The following KCND2 variants were observed in gnomAD, a reference collection of about 807,000 sequenced individuals.
KCND2 encodes the protein A-type voltage-gated potassium channel KCND2.
A neutral mutation model predicts 54.4 loss-of-function variants in KCND2; 16 were observed. That is an observed-to-expected ratio of 0.29 (90% CI 0.20 to 0.45). KCND2 has a LOEUF of 0.45. KCND2 is among the 20% of genes least tolerant of loss of function. The pLI is 1.00. For missense variants in KCND2, 486 were observed against 824.2 expected, an observed-to-expected ratio of 0.59 and a Z score of 5.02; for synonymous variants, 317 against 310.7, an observed-to-expected ratio of 1.02 and a Z score of -0.21.
intron 1 of KCND2, among the ~76,000 whole-genome samples, chr7:120,381,178 C>A (rs1800911167): frequency 6.6e-6 from 1 of 151,908 alleles, no homozygotes; most frequent in South Asian, 2.1e-4. Context: ...TCGCTTGAAC[C>A]CAGGAGGTGG....
At chr7:120,515,342 T>C (rs1803180816) in intron 1 of KCND2, among the ~76,000 whole-genome samples, 1 of 152,164 alleles carries the variant, frequency 6.6e-6, no homozygotes, top group Non-Finnish European at 1.5e-5. Context: ...TCATGAGTTT[T>C]TATTGCTGTA....
At chr7:120,495,133 T>C (rs377064605) in intron 1 of KCND2, among the ~76,000 whole-genome samples, 3 of 152,184 alleles carry the variant, frequency 2.0e-5, no homozygotes, top group African/African-American at 7.2e-5. Flanking sequence ...GTTTTTTTAA[T>C]ATTTTTTTTC....
At chr7:120,663,041 T>C (rs533807214) in intron 1 of KCND2, among the ~76,000 whole-genome samples, 3 of 152,296 alleles carry the variant, frequency 2.0e-5, no homozygotes, top group South Asian at 4.1e-4. Context: ...CTGACCTCCG[T>C]TGCAACACAA....
intron 1 of KCND2, among the ~76,000 whole-genome samples, chr7:120,393,430 G>A (rs991925699): frequency 3.9e-5 from 6 of 151,986 alleles, no homozygotes; most frequent in Middle Eastern, 6.8e-3. Flanking sequence ...ATAACTTTTT[G>A]GTAAGTGTCA....
intron 1 of KCND2, among the ~76,000 whole-genome samples, chr7:120,336,279 A>G (rs115892258): frequency 1.5e-3 from 224 of 152,226 alleles, no homozygotes; most frequent in African/African-American, 5.0e-3. Context: ...CGCAGTCCCA[A>G]TCTCTTAAAT....
rs561057900 is a variant in KCND2, at chr7:120,391,464, TG to T, written c.1115+115719del. On this transcript the variant is annotated intron_variant, in intron 1 of 5. Coordinates refer to ENST00000331113, the MANE Select transcript of KCND2 (RefSeq NM_012281.3). ...GGAGTGCTGGGTCAAATGGTATTTC[TG>T]GTTCTAGATCCTTGAGAAATTGCCA... 4.4e-3 allele frequency among the ~76,000 whole-genome samples: 674 copies of T among 152,264 alleles called. 6 individuals carry two copies. The highest frequency in any genetic ancestry group is 0.015 in the African/African-American group (632 of 41,568).
At chr7:120,713,200 C>CAAAG (rs1792562879) in intron 1 of KCND2, among the ~76,000 whole-genome samples, 1 of 152,078 alleles carries the variant, frequency 6.6e-6, no homozygotes. Flanking sequence ...AAAGCTCAGC[C>CAAAG]CTTTATAAGA....
chr7:120,383,207 C>T (rs1315027582), intron 1 of KCND2, among the ~76,000 whole-genome samples: 3 of 151,954 alleles, frequency 2.0e-5, no homozygotes, highest in Non-Finnish European at 4.4e-5. Context: ...TAAGTTACTA[C>T]CTTTCCTCTT....
intron 1 of KCND2, among the ~76,000 whole-genome samples, chr7:120,559,113 A>G (rs1681197038): frequency 6.6e-6 from 1 of 152,234 alleles, no homozygotes; most frequent in African/African-American, 2.4e-5. Context: ...AAATGTTAAT[A>G]CATCCCTCAG....
chr7:120,438,822 GTTTC>G (rs1801907790), intron 1 of KCND2, among the ~76,000 whole-genome samples: 1 of 151,964 alleles, frequency 6.6e-6, no homozygotes, highest in Non-Finnish European at 1.5e-5. Context: ...GACCCAGCTT[GTTTC>G]TTTTCATTTT....
chr7:120,357,811 T>G (rs1349148759), intron 1 of KCND2, among the ~76,000 whole-genome samples: 1 of 152,120 alleles, frequency 6.6e-6, no homozygotes, highest in Admixed American at 6.6e-5. Flanking sequence ...GGTGCCTCTG[T>G]CTCCTCTTAT....
At chr7:120,713,857 T>C (rs947350478) in intron 1 of KCND2, among the ~76,000 whole-genome samples, 4 of 152,172 alleles carry the variant, frequency 2.6e-5, no homozygotes, top group Non-Finnish European at 4.4e-5. Context: ...TGTTTTGACA[T>C]ACTAGTCTTG....
At chr7:120,452,392 G>A (rs1049840087) in intron 1 of KCND2, among the ~76,000 whole-genome samples, 2 of 152,176 alleles carry the variant, frequency 1.3e-5, no homozygotes, top group South Asian at 4.1e-4. Flanking sequence ...ACTAGACACA[G>A]CCATTTGGAA....
intron 1 of KCND2, among the ~76,000 whole-genome samples, chr7:120,639,601 C>T (rs1793346609): frequency 6.6e-6 from 1 of 152,220 alleles, no homozygotes; most frequent in Non-Finnish European, 1.5e-5. Flanking sequence ...CAATACTTGT[C>T]CATCATACTG....
chr7:120,670,533 A>G (rs1791978553), intron 1 of KCND2, among the ~76,000 whole-genome samples: 1 of 152,062 alleles, frequency 6.6e-6, no homozygotes, highest in African/African-American at 2.4e-5. Flanking sequence ...CTTCCCCAAG[A>G]GTCTGATTTA....
rs182340655 is a variant in KCND2, at chr7:120,586,885, T to G, written c.1116-146018T>G. On this transcript the variant is annotated intron_variant, in intron 1 of 5. Transcript: ENST00000331113. ...ATAGTGAAATAACACTTTGTTTTCA[T>G]TAAAGGATAAAGCACAACTTTATAA... is the stretch of plus-strand genomic sequence containing the variant. 3.3e-5 allele frequency among the ~76,000 whole-genome samples: 5 copies of G among 152,236 alleles called. No homozygotes were observed. The East Asian group carries it at 9.7e-4, about 29-fold the overall frequency.
At chr7:120,597,129 A>G (rs891579150) in intron 1 of KCND2, among the ~76,000 whole-genome samples, 5 of 152,202 alleles carry the variant, frequency 3.3e-5, no homozygotes, top group African/African-American at 4.8e-5. Flanking sequence ...ACAATAATCA[A>G]TATGAAAGAT....
intron 1 of KCND2, among the ~76,000 whole-genome samples, chr7:120,309,787 C>A (rs534473360): frequency 2.0e-5 from 3 of 152,164 alleles, no homozygotes; most frequent in East Asian, 3.9e-4. Context: ...TAGTTAAAAA[C>A]TAGTCCCTAA....
intron 1 of KCND2, among the ~76,000 whole-genome samples, chr7:120,586,444 G>A (rs993573111): frequency 1.3e-5 from 2 of 152,020 alleles, no homozygotes; most frequent in South Asian, 4.1e-4. Flanking sequence ...TATCAAACTT[G>A]TAAGATAAGG....
Sources: gnomAD v4.1 joint callset for allele counts (sites outside exome capture counted in the v4.1 genomes callset) on GRCh38, gnomAD v4.1.1 for gene constraint, MANE v1.5 for transcripts, NCBI Gene and HGNC (gene_info 2026-07-23, HGNC 2026-07-21) for gene names.